The following AFF1 variants were observed in gnomAD, a reference collection of about 807,000 sequenced individuals.
AFF1 encodes the protein ALF transcription elongation factor 1, also known as AF4/FMR2 family member 1.
A neutral mutation model predicts 121.7 loss-of-function variants in AFF1; 48 were observed. The ratio of observed to expected loss-of-function variants is 0.39; its 90% CI spans 0.31 to 0.50. The LOEUF is 0.50. Ranked by LOEUF, AFF1 falls within the 20% of genes least tolerant of loss-of-function variation. The pLI is 0.76. For missense variants in AFF1, 1,523 were observed against 1,511.7 expected (o/e 1.01, Z -0.12); for synonymous variants, 613 against 563.0 (o/e 1.09, Z -1.26).
intron 18 of AFF1, 58 bp downstream of exon 18, chr4:87,131,922 A>G (rs1388239469): frequency 7.2e-7 from 1 of 1,379,934 alleles, no homozygotes; most frequent in Non-Finnish European, 9.8e-7. Context: ...TGTTGATGTT[A>G]CAAAAAGATT....
chr4:87,133,152 A>G (rs1222961733), intron 19 of AFF1, among the ~76,000 whole-genome samples: 3 of 152,248 alleles, frequency 2.0e-5, no homozygotes, highest in Non-Finnish European at 2.9e-5. Context: ...CACACCAGCA[A>G]TACTAAGAAT....
chr4:87,048,036 T>G (rs2149617946), intron 4 of AFF1: 1 of 197,892 alleles, frequency 5.1e-6, no homozygotes, highest in South Asian at 8.5e-5. Flanking sequence ...TTTTTTTGAT[T>G]AATACCTCCT....
chr4:87,067,992 C>G (rs1721548496), intron 4 of AFF1, among the ~76,000 whole-genome samples: 1 of 151,930 alleles, frequency 6.6e-6, no homozygotes, highest in African/African-American at 2.4e-5. Context: ...ATAGTTTTTT[C>G]TTATATGTAA....
intron 2 of AFF1, among the ~76,000 whole-genome samples, chr4:86,990,917 C>T (rs1050288440): frequency 1.4e-5 from 2 of 145,452 alleles, no homozygotes; most frequent in Admixed American, 6.8e-5. Flanking sequence ...TTTCGGAGGC[C>T]GAGGTGGGTG....
chr4:87,104,889 A>G (rs1212032103), intron 8 of AFF1, among the ~76,000 whole-genome samples: 1 of 152,136 alleles, frequency 6.6e-6, no homozygotes, highest in African/African-American at 2.4e-5. Context: ...CACTGAAACA[A>G]TAGCAATAAG....
At chr4:86,951,608 C>CTT (rs1344583304) in intron 2 of AFF1, among the ~76,000 whole-genome samples, 2 of 111,062 alleles carry the variant, frequency 1.8e-5, no homozygotes, top group Admixed American at 9.6e-5. Flanking sequence ...TTTTCTTTTT[C>CTT]TTTTTTCTTT....
At chr4:87,094,221 T>C (rs1724600829) in intron 7 of AFF1, among the ~76,000 whole-genome samples, 1 of 152,184 alleles carries the variant, frequency 6.6e-6, no homozygotes, top group African/African-American at 2.4e-5. Context: ...CAATTCATTT[T>C]GTTCTTTCTT....
chr4:87,049,512 T>C, intron 4 of AFF1: 1 of 378,272 alleles, frequency 2.6e-6, no homozygotes, highest in Non-Finnish European at 5.3e-6. Flanking sequence ...AGGACTATGT[T>C]AATTGGCTCT....
intron 4 of AFF1, among the ~76,000 whole-genome samples, chr4:87,082,397 G>A (rs1723263539): frequency 6.6e-6 from 1 of 152,148 alleles, no homozygotes; most frequent in Non-Finnish European, 1.5e-5. Flanking sequence ...GTTTGCATGT[G>A]TAATGCTAGA....
rs767344987 is a variant in AFF1, at chr4:87,126,147, G to C, written c.2622G>C (p.Pro874=). ...CCTCAAAGAAGGAAATGCTCCCCCC[G>C]CCACCCGTGTCCTCGTCCTCCCAGA... The part of the protein sequence containing the change: ...SQSSKKEMLP[P]PPVSSSSQKP... Residue 874 remains proline, a synonymous_variant, in exon 14 of 21, where the codon CCG becomes CCC. Transcript: ENST00000395146. 1.2e-6 allele frequency: 2 copies of C among 1,614,022 alleles called. No individual in the cohort carries two copies. The highest frequency in any genetic ancestry group is 1.7e-6 in the Non-Finnish European group (2 of 1,179,992).
chr4:87,116,308 T>C (rs545400792), intron 12 of AFF1, among the ~76,000 whole-genome samples: 1 of 152,362 alleles, frequency 6.6e-6, no homozygotes, highest in Admixed American at 6.5e-5. Context: ...GCCACTGTTT[T>C]AGACAGGCTC....
intron 4 of AFF1, among the ~76,000 whole-genome samples, chr4:87,053,580 C>T (rs1170920513): frequency 6.6e-6 from 1 of 152,212 alleles, no homozygotes; most frequent in African/African-American, 2.4e-5. Context: ...CGATGGTGCA[C>T]ATCCTGCTCC....
At chr4:86,991,338 G>A (rs192545722) in intron 2 of AFF1, among the ~76,000 whole-genome samples, 48 of 151,704 alleles carry the variant, frequency 3.2e-4, no homozygotes, top group African/African-American at 6.8e-4. Flanking sequence ...CCAGCTACTC[G>A]GGAGGCTGAG....
chr4:87,072,692 T>C (rs775310015), intron 4 of AFF1, among the ~76,000 whole-genome samples: 9 of 151,518 alleles, frequency 5.9e-5, no homozygotes, highest in Non-Finnish European at 1.3e-4. Context: ...CACGCCTGGC[T>C]GATTTTTTTT....
chr4:87,012,057 C>G (rs1156690750), intron 2 of AFF1, among the ~76,000 whole-genome samples: 1 of 152,058 alleles, frequency 6.6e-6, no homozygotes, highest in East Asian at 1.9e-4. Flanking sequence ...GAGAAATCTA[C>G]TTTTTCATCT....
At chr4:87,135,249 C>T (rs1008740844) in intron 20 of AFF1, among the ~76,000 whole-genome samples, 4 of 152,132 alleles carry the variant, frequency 2.6e-5, no homozygotes, top group Admixed American at 2.6e-4. Context: ...GACATAGAGC[C>T]TCTTAGGGCC....
chr4:86,952,905 C>CCATATTGT (rs1721467762), intron 2 of AFF1, among the ~76,000 whole-genome samples: 1 of 151,608 alleles, frequency 6.6e-6, no homozygotes, highest in Non-Finnish European at 1.5e-5. Flanking sequence ...TGTGGTTTCA[C>CCATATTGT]CATATTGTCC....
At chr4:87,047,637 G>A in intron 4 of AFF1, 43 bp downstream of exon 4, 5 of 1,611,984 alleles carry the variant, frequency 3.1e-6, no homozygotes, top group Non-Finnish European at 4.2e-6. Context: ...ATTCGAAGAC[G>A]GATTTGAGAT....
At chr4:86,979,537 G>T (rs1723567995) in intron 2 of AFF1, among the ~76,000 whole-genome samples, 1 of 152,170 alleles carries the variant, frequency 6.6e-6, no homozygotes, top group African/African-American at 2.4e-5. Context: ...TTTTAAGGAG[G>T]ATTTCAATAG....
Sources: gnomAD v4.1 joint callset for allele counts (sites outside exome capture counted in the v4.1 genomes callset) on GRCh38, gnomAD v4.1.1 for gene constraint, MANE v1.5 for transcripts, NCBI Gene and HGNC (gene_info 2026-07-23, HGNC 2026-07-21) for gene names.